PPARGC1A: variants seen among roughly 807,000 people sequenced by gnomAD.
PPARGC1A encodes PPARG coactivator 1 alpha.
Under a neutral mutation model 88.7 loss-of-function variants are expected in PPARGC1A, and 25 were observed. That is an observed-to-expected ratio of 0.28 (90% CI 0.21 to 0.39). PPARGC1A has a LOEUF of 0.39. Among genes scored for constraint, PPARGC1A ranks in the 10% least tolerant of loss-of-function variants. The pLI is 1.00. For missense variants in PPARGC1A, 880 were observed against 968.7 expected (o/e 0.91, Z 1.22); for synonymous variants, 363 against 355.6 (o/e 1.02, Z -0.24).
the PPARGC1A span, among the ~76,000 whole-genome samples, chr4:24,141,718 T>C: frequency 2.0e-5 from 3 of 152,224 alleles, no homozygotes; most frequent in Non-Finnish European, 4.4e-5. Context: ...ATAGCATATC[T>C]TGCTTGCTTG....
chr4:24,247,527 G>A, the PPARGC1A span, among the ~76,000 whole-genome samples: 1 of 152,062 alleles, frequency 6.6e-6, no homozygotes, highest in Non-Finnish European at 1.5e-5. Flanking sequence ...AATTTCAGAA[G>A]ACACTCAAAA....
At chr4:24,430,552 T>C in the PPARGC1A span, among the ~76,000 whole-genome samples, 1 of 152,124 alleles carries the variant, frequency 6.6e-6, no homozygotes, top group Non-Finnish European at 1.5e-5. Context: ...TTCCTATTTT[T>C]TTATTTTTGT....
At chr4:24,199,100 C>T in the PPARGC1A span, among the ~76,000 whole-genome samples, 90 of 152,270 alleles carry the variant, frequency 5.9e-4, no homozygotes, top group Non-Finnish European at 1.1e-3. Context: ...AGGATGTATA[C>T]TGTCTGTCTC....
the PPARGC1A span, among the ~76,000 whole-genome samples, chr4:24,030,299 C>A: frequency 6.6e-6 from 1 of 152,158 alleles, no homozygotes; most frequent in Non-Finnish European, 1.5e-5. Context: ...AAACTCCATC[C>A]CCACTCCTAT....
the PPARGC1A span, among the ~76,000 whole-genome samples, chr4:23,983,706 A>G: frequency 1.3e-5 from 2 of 152,222 alleles, no homozygotes; most frequent in Middle Eastern, 3.4e-3. Flanking sequence ...AGAGGTAGGT[A>G]GGAGACAGAG....
At chr4:23,796,696 C>T (rs1717672162) in intron 12 of PPARGC1A, among the ~76,000 whole-genome samples, 1 of 152,058 alleles carries the variant, frequency 6.6e-6, no homozygotes, top group African/African-American at 2.4e-5. Context: ...GGTTTTTCTC[C>T]ATTGACTTCT....
chr4:23,889,025 C>T (rs1717377570), intron 1 of PPARGC1A: 2 of 985,404 alleles, frequency 2.0e-6, no homozygotes, highest in South Asian at 9.4e-5. Flanking sequence ...TGCAAACACG[C>T]CGAGGTCCTC....
At chr4:24,056,009 T>G in the PPARGC1A span, among the ~76,000 whole-genome samples, 2 of 152,248 alleles carry the variant, frequency 1.3e-5, no homozygotes, top group Admixed American at 6.5e-5. Context: ...TACTCTTTCT[T>G]TGGGAAGAAG....
At chr4:23,812,933 A>G in intron 9 of PPARGC1A, 66 bp from the exon 10 acceptor site, 4 of 1,612,816 alleles carry the variant, frequency 2.5e-6, no homozygotes, top group Non-Finnish European at 2.5e-6. Flanking sequence ...GAATAATAAT[A>G]TGGGGAGGGG....
chr4:24,425,227 C>A, the PPARGC1A span, among the ~76,000 whole-genome samples: 1 of 152,100 alleles, frequency 6.6e-6, no homozygotes, highest in African/African-American at 2.4e-5. Flanking sequence ...ACAGAGGATA[C>A]CTTAAAATAT....
At chr4:24,022,079 G>T in the PPARGC1A span, among the ~76,000 whole-genome samples, 1 of 152,150 alleles carries the variant, frequency 6.6e-6, no homozygotes, top group Non-Finnish European at 1.5e-5. Flanking sequence ...TGGCTGAGGG[G>T]CCAGGTCAGG....
the PPARGC1A span, among the ~76,000 whole-genome samples, chr4:23,909,164 T>C: frequency 3.9e-5 from 6 of 152,178 alleles, no homozygotes; most frequent in African/African-American, 1.4e-4. Flanking sequence ...TCAGGCCCTA[T>C]GAAGACTTTT....
At chr4:24,277,341 G>C in the PPARGC1A span, among the ~76,000 whole-genome samples, 2 of 152,082 alleles carry the variant, frequency 1.3e-5, no homozygotes, top group South Asian at 4.1e-4. Context: ...TGACAGATGA[G>C]CCCCTTCTGG....
the PPARGC1A span, among the ~76,000 whole-genome samples, chr4:24,424,215 A>G: frequency 6.7e-6 from 1 of 149,734 alleles, no homozygotes; most frequent in Non-Finnish European, 1.5e-5. Flanking sequence ...CAATTAGGAA[A>G]AGGAAAAAAA....
the PPARGC1A span, among the ~76,000 whole-genome samples, chr4:24,222,313 G>A: frequency 6.6e-6 from 1 of 152,158 alleles, no homozygotes; most frequent in Admixed American, 6.5e-5. Flanking sequence ...TAAGAAAACA[G>A]TCTCAAAGCC....
chr4:24,109,298 TACACACAC>T, the PPARGC1A span, among the ~76,000 whole-genome samples: 946 of 131,846 alleles, frequency 7.2e-3, 4 homozygotes, highest in Middle Eastern at 0.022. Flanking sequence ...CATTTCATTA[TACACACAC>T]ACACACACAC....
the PPARGC1A span, among the ~76,000 whole-genome samples, chr4:23,967,677 A>T: frequency 6.6e-6 from 1 of 152,148 alleles, no homozygotes; most frequent in African/African-American, 2.4e-5. Flanking sequence ...TTTATCTTTG[A>T]TGATATAAAC....
chr4:24,247,953 CAG>C, the PPARGC1A span, among the ~76,000 whole-genome samples: 1 of 152,114 alleles, frequency 6.6e-6, no homozygotes, highest in South Asian at 2.1e-4. Flanking sequence ...TGGCTGGGCA[CAG>C]AGTTTCCCTT....
At chr4:24,382,926 C>G in the PPARGC1A span, among the ~76,000 whole-genome samples, 2 of 152,214 alleles carry the variant, frequency 1.3e-5, no homozygotes, top group African/African-American at 2.4e-5. Flanking sequence ...CCCTGACCCC[C>G]ATGCCTCCTG....
Sources: gnomAD v4.1 joint callset for allele counts (sites outside exome capture counted in the v4.1 genomes callset) on GRCh38, gnomAD v4.1.1 for gene constraint, MANE v1.5 for transcripts, NCBI Gene and HGNC (gene_info 2026-07-23, HGNC 2026-07-21) for gene names.